PKHD1: variants seen among roughly 807,000 people sequenced by gnomAD.
PKHD1 encodes PKHD1 ciliary IPT domain containing fibrocystin/polyductin.
A neutral mutation model predicts 412.0 loss-of-function variants in PKHD1; 291 were observed. The ratio of observed to expected loss-of-function variants is 0.71; its 90% CI spans 0.64 to 0.78. PKHD1 has a LOEUF of 0.78. Among genes scored for constraint, PKHD1 ranks in the 30% least tolerant of loss-of-function variants. PKHD1 has a pLI of 0.00. For missense variants in PKHD1, 4,825 were observed against 4,950.7 expected (o/e 0.97, Z 0.76); for synonymous variants, 1,777 against 1,821.5 (o/e 0.98, Z 0.62).
At chr6:51,906,769 G>A (rs890174205) in intron 40 of PKHD1, among the ~76,000 whole-genome samples, 3 of 152,048 alleles carry the variant, frequency 2.0e-5, no homozygotes, top group Admixed American at 6.6e-5. Context: ...AATTTATCAG[G>A]CAATAATATT....
Position 51,939,651 on chromosome 6 carries a change from A to C in PKHD1, c.5909-5329T>G, listed in dbSNP as rs1467891279. ...AAACCGTCTGAGATGCCTGACGTCC[A>C]GACATTCTTTTACACATTGTTTCCT... is the stretch of plus-strand genomic sequence containing the variant. On this transcript the variant is annotated intron_variant, in intron 36 of 66. Transcript: ENST00000371117. Among the ~76,000 whole-genome samples, 2 of 151,230 alleles carry C rather than the reference A, an allele frequency of 1.3e-5. 1 individual carries two copies. The highest frequency in any genetic ancestry group is 4.9e-5 in the African/African-American group (2 of 41,020).
chr6:51,809,880 A>AG (rs1764433792), intron 52 of PKHD1, among the ~76,000 whole-genome samples: 1 of 151,432 alleles, frequency 6.6e-6, no homozygotes, highest in African/African-American at 2.4e-5. Context: ...AGAAAAAAAA[A>AG]AACATAGGCT....
At chr6:52,070,627 A>C (rs188584957) in intron 9 of PKHD1, among the ~76,000 whole-genome samples, 182 bp from the exon 10 acceptor site, 5 of 152,222 alleles carry the variant, frequency 3.3e-5, no homozygotes, top group Admixed American at 1.3e-4. Context: ...CAAAAAAAAA[A>C]CACCTCATAA....
intron 63 of PKHD1, among the ~76,000 whole-genome samples, chr6:51,639,792 G>A (rs1437812908): frequency 6.6e-6 from 1 of 152,180 alleles, no homozygotes; most frequent in Non-Finnish European, 1.5e-5. Flanking sequence ...GGTGGACAAA[G>A]GGTTATGAAA....
At chr6:51,811,002 A>C (rs1764602655) in intron 52 of PKHD1, among the ~76,000 whole-genome samples, 1 of 152,166 alleles carries the variant, frequency 6.6e-6, no homozygotes, top group African/African-American at 2.4e-5. Flanking sequence ...GCACAGGTAC[A>C]TTGGATTTAG....
At chr6:51,679,301 G>A (rs1214495396) in intron 60 of PKHD1, among the ~76,000 whole-genome samples, 1 of 152,044 alleles carries the variant, frequency 6.6e-6, no homozygotes, top group Non-Finnish European at 1.5e-5. Context: ...AGTAATGTGT[G>A]TTCGCCACAA....
intron 60 of PKHD1, among the ~76,000 whole-genome samples, chr6:51,686,582 G>A (rs1484037827): frequency 1.3e-5 from 2 of 152,102 alleles, no homozygotes; most frequent in East Asian, 3.9e-4. Context: ...TTTGTCTATA[G>A]CACTTATAAC....
intron 52 of PKHD1, among the ~76,000 whole-genome samples, chr6:51,802,951 C>T (rs1244771564): frequency 5.5e-5 from 8 of 145,558 alleles, no homozygotes; most frequent in African/African-American, 2.1e-4. Context: ...AAATAAGATG[C>T]TTGTATCCTA....
intron 55 of PKHD1, among the ~76,000 whole-genome samples, chr6:51,768,945 T>A (rs1465958012): frequency 6.6e-6 from 1 of 151,754 alleles, no homozygotes; most frequent in Non-Finnish European, 1.5e-5. Context: ...TTAAACATAT[T>A]TCCTTTTTGT....
intron 34 of PKHD1, 124 bp downstream of exon 34, chr6:52,017,286 G>A: frequency 1.3e-6 from 1 of 762,578 alleles, no homozygotes; most frequent in South Asian, 1.4e-5. Flanking sequence ...GCCCCTCCAA[G>A]AGAGTTGTAG....
At chr6:51,800,491 T>C (rs1762739973) in intron 52 of PKHD1, among the ~76,000 whole-genome samples, 1 of 152,194 alleles carries the variant, frequency 6.6e-6, no homozygotes, top group Non-Finnish European at 1.5e-5. Flanking sequence ...GAAAGAGGGC[T>C]GGGGCTTCTT....
chr6:52,017,527 T>C lies in PKHD1; in HGVS notation c.5483A>G (p.Glu1828Gly), dbSNP rs1173556238. The C allele has an allele frequency of 1.2e-6, 2 of 1,613,748 alleles. No individual in the cohort carries two copies. Among genetic ancestry groups the C allele is most frequent in the African/African-American group, 1.3e-5 (1 of 75,064 alleles). ...GTAAGGCCACGATTCAAGCAGTTGC[T>C]CTGTCGCCATGGCAACTGTCAAATC... ...QCDLTVAMAT[E>G]QLLESWPYLY... The change falls in exon 34 of 67, where the codon GAG (glutamate) becomes GGG (glycine). Residue 1828 changes from glutamate (E) to glycine (G), a missense_variant. By Grantham distance (98) the Glu-to-Gly change is moderately conservative (BLOSUM62 -2). Coordinates refer to ENST00000371117, the MANE Select transcript of PKHD1 (RefSeq NM_138694.4).
chr6:51,671,564 C>T (rs1025339538), intron 60 of PKHD1, among the ~76,000 whole-genome samples: 2 of 152,318 alleles, frequency 1.3e-5, no homozygotes, highest in Non-Finnish European at 2.9e-5. Context: ...AGTCATTCTC[C>T]GTCCAGCTTT....
At chr6:52,006,371 G>GT (rs1554189207) in intron 35 of PKHD1, among the ~76,000 whole-genome samples, 81 of 148,690 alleles carry the variant, frequency 5.4e-4, no homozygotes, top group South Asian at 1.3e-3. Flanking sequence ...TGTTGTTGTT[G>GT]TTGTTTGTTT....
chr6:51,905,437 A>G (rs962992820), intron 41 of PKHD1, among the ~76,000 whole-genome samples: 7 of 152,174 alleles, frequency 4.6e-5, no homozygotes, highest in African/African-American at 1.7e-4. Context: ...CTTGTCTGGG[A>G]GAGAGAATGT....
At chr6:51,848,512 G>A (rs1771616644) in intron 49 of PKHD1, among the ~76,000 whole-genome samples, 1 of 152,198 alleles carries the variant, frequency 6.6e-6, no homozygotes, top group African/African-American at 2.4e-5. Flanking sequence ...GAGGCAGGCA[G>A]AGGTTCAGTA....
At chr6:51,835,614 A>G (rs1016757448) in intron 51 of PKHD1, among the ~76,000 whole-genome samples, 2 of 152,218 alleles carry the variant, frequency 1.3e-5, no homozygotes, top group African/African-American at 4.8e-5. Context: ...CATAAAAAAC[A>G]AAGTGTGGTG....
intron 4 of PKHD1, among the ~76,000 whole-genome samples, chr6:52,082,143 A>T (rs1812124240): frequency 6.6e-6 from 1 of 152,124 alleles, no homozygotes; most frequent in Non-Finnish European, 1.5e-5. Context: ...GCAAAAAAAA[A>T]CAAATGGAAA....
chr6:51,671,868 G>A (rs1708091556), intron 60 of PKHD1, among the ~76,000 whole-genome samples: 1 of 152,166 alleles, frequency 6.6e-6, no homozygotes, highest in Non-Finnish European at 1.5e-5. Context: ...TCGGGGGTCA[G>A]GGGTCAGGGA....
Sources: allele counts gnomAD v4.1 joint callset (sites outside exome capture counted in the v4.1 genomes callset), GRCh38; gene constraint gnomAD v4.1.1; transcripts MANE v1.5; gene names NCBI Gene and HGNC (gene_info 2026-07-23, HGNC 2026-07-21).